The following PALM2AKAP2 variants were observed in gnomAD, a reference collection of about 807,000 sequenced individuals.
PALM2AKAP2 encodes PALM2 and AKAP2 fusion, also known as PALM2-AKAP2 fusion protein.
A neutral mutation model predicts 71.5 loss-of-function variants in PALM2AKAP2; 37 were observed. The observed-to-expected ratio is 0.52, with a 90% CI of 0.40 to 0.68. The LOEUF (loss-of-function observed/expected upper bound fraction) is 0.68, where lower values mean the gene tolerates loss of function less well. PALM2AKAP2 is among the 30% of genes least tolerant of loss of function. The pLI, the probability that PALM2AKAP2 is intolerant of heterozygous loss-of-function variation, is 0.00. For synonymous variants in PALM2AKAP2, 468 were observed against 478.8 expected, an observed-to-expected ratio of 0.98 and a Z score of 0.29; for missense variants, 1,224 against 1,191.8, an observed-to-expected ratio of 1.03 and a Z score of -0.40.
At chr9:110,061,637 T>TTA (rs977495616) in intron 1 of PALM2AKAP2, among the ~76,000 whole-genome samples, 22 of 148,130 alleles carry the variant, frequency 1.5e-4, no homozygotes, top group Admixed American at 1.1e-3. Context: ...ATATATTTAT[T>TTA]TATATATATA....
At chr9:109,780,172 A>C, upstream of PALM2AKAP2, 2 of 489,368 alleles carry the variant, frequency 4.1e-6, no homozygotes, top group Non-Finnish European at 5.4e-6. Context: ...GCGCCGGGCT[A>C]GCGCGCCCTC....
intron 3 of PALM2AKAP2, among the ~76,000 whole-genome samples, chr9:109,911,631 A>C (rs1830571507): frequency 6.6e-6 from 1 of 152,278 alleles, no homozygotes; most frequent in South Asian, 2.1e-4. Flanking sequence ...ATTTGAGGGG[A>C]AAGTAGAAAA....
At chr9:110,155,718 G>T (rs1028310638) in intron 2 of PALM2AKAP2, among the ~76,000 whole-genome samples, 1 of 152,208 alleles carries the variant, frequency 6.6e-6, no homozygotes, top group African/African-American at 2.4e-5. Flanking sequence ...GCTGGCCAGT[G>T]TAAGACCGGG....
chr9:110,145,121 C>G (rs1427609017), intron 2 of PALM2AKAP2, among the ~76,000 whole-genome samples: 1 of 152,126 alleles, frequency 6.6e-6, no homozygotes, highest in Non-Finnish European at 1.5e-5. Flanking sequence ...CTTGATCCTC[C>G]TTTTAGGAGC....
chr9:109,861,999 A>G (rs1829323099), intron 1 of PALM2AKAP2, among the ~76,000 whole-genome samples: 1 of 152,222 alleles, frequency 6.6e-6, no homozygotes, highest in Non-Finnish European at 1.5e-5. Flanking sequence ...TTCATCATAC[A>G]ATATTCTAGG....
At chr9:110,057,569 G>A (rs1482680330) in intron 1 of PALM2AKAP2, among the ~76,000 whole-genome samples, 3 of 151,590 alleles carry the variant, frequency 2.0e-5, no homozygotes, top group Admixed American at 6.6e-5. Context: ...TAGTAGAGAC[G>A]GGGTTTCACT....
chr9:109,987,130 C>T (rs937454962), intron 6 of PALM2AKAP2, among the ~76,000 whole-genome samples: 1 of 151,758 alleles, frequency 6.6e-6, no homozygotes, highest in South Asian at 2.1e-4. Context: ...TTTCTCTATT[C>T]TTTTCTTTTC....
chr9:109,882,478 A>G (rs1040445202), intron 3 of PALM2AKAP2, among the ~76,000 whole-genome samples: 4 of 152,244 alleles, frequency 2.6e-5, no homozygotes, highest in African/African-American at 9.6e-5. Flanking sequence ...GTACATGCAC[A>G]TGCTTTTTCT....
intron 1 of PALM2AKAP2, among the ~76,000 whole-genome samples, chr9:109,834,720 G>A (rs1828408342): frequency 6.6e-6 from 1 of 152,142 alleles, no homozygotes; most frequent in Non-Finnish European, 1.5e-5. Context: ...GTTGAGTATG[G>A]TGAAGGACCT....
chr9:110,143,256 A>G, intron 2 of PALM2AKAP2, among the ~76,000 whole-genome samples: 1 of 151,692 alleles, frequency 6.6e-6, no homozygotes, highest in East Asian at 1.9e-4. Flanking sequence ...TCTTAAAAAA[A>G]AAAAAAAAAA....
Position 110,136,117 on chromosome 9 carries a change from T to G in PALM2AKAP2, c.157-10T>G. ...ATTTAACCCTGACTTTTGTTTACTC[T>G]TTATTCCAGAAGCCTCCCCAGCTTT... is the stretch of plus-strand genomic sequence containing the variant. On this transcript the variant is annotated splice_polypyrimidine_tract_variant and intron_variant, in intron 1 of 3. Transcript: ENST00000374525. 1 of 1,554,302 alleles carries G rather than the reference T, an allele frequency of 6.4e-7. No individual in the cohort carries two copies. The highest frequency in any genetic ancestry group is 8.7e-7 in the Non-Finnish European group (1 of 1,154,724).
At chr9:109,749,881 A>G (rs1828859472) in intron 1 of PALM2AKAP2, among the ~76,000 whole-genome samples, 1 of 152,160 alleles carries the variant, frequency 6.6e-6, no homozygotes, top group South Asian at 2.1e-4. Flanking sequence ...AGCCTTGGAT[A>G]ATATCAAAGG....
chr9:109,982,823 A>G (rs1031344577), intron 6 of PALM2AKAP2, among the ~76,000 whole-genome samples: 78 of 152,102 alleles, frequency 5.1e-4, no homozygotes, highest in African/African-American at 1.8e-3. Flanking sequence ...GGGTCTCACT[A>G]TGGTTGCGTA....
chr9:109,647,681 G>A (rs979922197), intron 1 of PALM2AKAP2, among the ~76,000 whole-genome samples: 2 of 152,250 alleles, frequency 1.3e-5, no homozygotes, highest in East Asian at 1.9e-4. Flanking sequence ...GTCAGTGGTC[G>A]TGGTCTGTGC....
At chr9:109,955,625 A>G (rs1831732602) in intron 6 of PALM2AKAP2, among the ~76,000 whole-genome samples, 1 of 148,598 alleles carries the variant, frequency 6.7e-6, no homozygotes, top group Non-Finnish European at 1.5e-5. Context: ...GTAGAATACT[A>G]CTATTCTGTA....
intron 1 of PALM2AKAP2, among the ~76,000 whole-genome samples, chr9:109,753,735 C>T (rs1828918929): frequency 6.6e-6 from 1 of 152,074 alleles, no homozygotes; most frequent in African/African-American, 2.4e-5. Flanking sequence ...TTGTGCCTAT[C>T]GTTTACTAAA....
intron 1 of PALM2AKAP2, among the ~76,000 whole-genome samples, chr9:110,127,137 T>TGCAGGA (rs1564319332): frequency 1.3e-5 from 2 of 152,222 alleles, no homozygotes; most frequent in Non-Finnish European, 2.9e-5. Flanking sequence ...AGGCTGGACC[T>TGCAGGA]GCAGGAGCAG....
chr9:109,703,498 T>C (rs1459338507), intron 1 of PALM2AKAP2, among the ~76,000 whole-genome samples: 1 of 152,204 alleles, frequency 6.6e-6, no homozygotes, highest in African/African-American at 2.4e-5. Flanking sequence ...AGTGGTATTT[T>C]ATAATGGCAA....
At chr9:109,945,986 T>G (rs1004371060) in intron 6 of PALM2AKAP2, 3 of 152,250 alleles carry the variant, frequency 2.0e-5, no homozygotes, top group African/African-American at 7.2e-5. Flanking sequence ...GCTTATCATT[T>G]AATGGACTGA....
Sources: gnomAD v4.1 joint callset for allele counts (sites outside exome capture counted in the v4.1 genomes callset) on GRCh38, gnomAD v4.1.1 for gene constraint, MANE v1.5 for transcripts, NCBI Gene and HGNC (gene_info 2026-07-23, HGNC 2026-07-21) for gene names.